The following GRM8 variants were observed in gnomAD, a reference collection of about 807,000 sequenced individuals.
GRM8 encodes the protein metabotropic glutamate receptor 8.
In GRM8, 47 loss-of-function variants were observed where a neutral mutation model predicts 87.2. The observed-to-expected ratio is 0.54, with a 90% confidence interval of 0.43 to 0.69. The LOEUF (loss-of-function observed/expected upper bound fraction) is 0.69, where lower values mean the gene tolerates loss of function less well. Ranked by LOEUF, GRM8 falls within the 30% of genes least tolerant of loss-of-function variation. The pLI is 0.00. For synonymous variants in GRM8, 396 were observed against 404.5 expected, an observed-to-expected ratio of 0.98 and a Z score of 0.25; for missense variants, 1,019 against 1,139.2, an observed-to-expected ratio of 0.89 and a Z score of 1.52.
intron 6 of GRM8, among the ~76,000 whole-genome samples, chr7:126,816,684 G>A (rs569529089): frequency 1.3e-5 from 2 of 151,800 alleles, no homozygotes; most frequent in African/African-American, 4.8e-5. Flanking sequence ...AGATGGGATG[G>A]TAACTGTGTC....
At chr7:126,978,719 A>T (rs1476083277) in intron 3 of GRM8, among the ~76,000 whole-genome samples, 1 of 152,144 alleles carries the variant, frequency 6.6e-6, no homozygotes, top group African/African-American at 2.4e-5. Flanking sequence ...GTCCCTCCAA[A>T]CCTTAAGATT....
chr7:127,104,848 G>T (rs1825666002), intron 3 of GRM8, among the ~76,000 whole-genome samples: 1 of 152,134 alleles, frequency 6.6e-6, no homozygotes, highest in African/African-American at 2.4e-5. Context: ...TCTTATTTTA[G>T]TCAAAAGAAT....
intron 6 of GRM8, among the ~76,000 whole-genome samples, chr7:126,804,594 C>G (rs1240926064): frequency 6.6e-6 from 1 of 152,206 alleles, no homozygotes; most frequent in African/African-American, 2.4e-5. Flanking sequence ...TAAAGAAAAT[C>G]TAGTTATAAT....
chr7:127,013,773 C>A (rs1815124518), intron 3 of GRM8, among the ~76,000 whole-genome samples: 1 of 152,254 alleles, frequency 6.6e-6, no homozygotes, highest in Admixed American at 6.5e-5. Flanking sequence ...AGAGGGAACT[C>A]TACTGAAGGA....
At chr7:126,734,421 A>G (rs1212722643) in intron 7 of GRM8, among the ~76,000 whole-genome samples, 3 of 151,806 alleles carry the variant, frequency 2.0e-5, no homozygotes, top group African/African-American at 7.2e-5. Context: ...AAAAAAAGAT[A>G]GCCAGATTAA....
chr7:126,618,592 C>T (rs1799778891), intron 7 of GRM8, among the ~76,000 whole-genome samples: 1 of 152,078 alleles, frequency 6.6e-6, no homozygotes, highest in African/African-American at 2.4e-5. Flanking sequence ...GAACAGGCAA[C>T]CTACAGAAGG....
chr7:127,132,528 T>C (rs1365126373), intron 2 of GRM8, among the ~76,000 whole-genome samples: 6 of 152,018 alleles, frequency 3.9e-5, no homozygotes, highest in Admixed American at 3.3e-4. Flanking sequence ...TAGTAGGTGA[T>C]ACAGACAACA....
chr7:127,024,182 C>T (rs947255990), intron 3 of GRM8, among the ~76,000 whole-genome samples: 3 of 152,052 alleles, frequency 2.0e-5, no homozygotes, highest in Non-Finnish European at 4.4e-5. Context: ...TTAACAGCTG[C>T]CACCTCTTCT....
At chr7:126,526,137 T>A (rs949614187) in intron 9 of GRM8, among the ~76,000 whole-genome samples, 3 of 152,172 alleles carry the variant, frequency 2.0e-5, no homozygotes, top group Non-Finnish European at 4.4e-5. Flanking sequence ...GTATGTTCCA[T>A]GAGAGATAAG....
chr7:127,134,426 A>G (rs1827846991), intron 2 of GRM8, among the ~76,000 whole-genome samples: 1 of 152,248 alleles, frequency 6.6e-6, no homozygotes, highest in African/African-American at 2.4e-5. Flanking sequence ...GACTTGTTAA[A>G]TCACTGTTAC....
chr7:126,574,603 A>C lies in GRM8; in HGVS notation c.1494+34759T>G, dbSNP rs565665058. Among the ~76,000 whole-genome samples the C allele has an allele frequency of 2.6e-5, 4 of 152,286 alleles. No homozygotes were observed. The South Asian group carries it at 8.3e-4, about 32-fold the overall frequency. On this transcript the variant is annotated intron_variant, in intron 8 of 10. Coordinates refer to ENST00000339582, the MANE Select transcript of GRM8 (RefSeq NM_000845.3). ...TTGAAATCTTACTACCTGAATCTTC[A>C]GATGTGTTTTCCAACTCTCTCTTCA...
At chr7:126,506,718 G>A (rs1450551672) in intron 9 of GRM8, among the ~76,000 whole-genome samples, 1 of 151,884 alleles carries the variant, frequency 6.6e-6, no homozygotes, top group South Asian at 2.1e-4. Context: ...AACAAAGGTT[G>A]CCGAGAGCTG....
At chr7:126,719,414 C>G (rs1194831247) in intron 7 of GRM8, among the ~76,000 whole-genome samples, 1 of 152,062 alleles carries the variant, frequency 6.6e-6, no homozygotes, top group African/African-American at 2.4e-5. Context: ...GTTTTTAAAC[C>G]TATAGGAATT....
chr7:127,084,778 T>A (rs1174817256), intron 3 of GRM8: 8 of 152,216 alleles, frequency 5.3e-5, no homozygotes, highest in Admixed American at 5.2e-4. Flanking sequence ...CAGGAGTCAC[T>A]GCTACTGAAG....
At chr7:126,630,297 A>G (rs76155397) in intron 7 of GRM8, among the ~76,000 whole-genome samples, 3,345 of 152,180 alleles carry the variant, frequency 0.022, 96 homozygotes, top group Non-Finnish European at 0.025. Context: ...CATCAGAGGA[A>G]AATTTAGAGA....
chr7:126,781,989 T>C (rs542152247), intron 6 of GRM8, among the ~76,000 whole-genome samples: 5 of 152,332 alleles, frequency 3.3e-5, no homozygotes, highest in Admixed American at 2.6e-4. Flanking sequence ...GTTGGAATTA[T>C]AGGCATGAGC....
At chr7:126,439,791 T>C (rs1001902681) in intron 10 of GRM8, among the ~76,000 whole-genome samples, 3 of 150,188 alleles carry the variant, frequency 2.0e-5, no homozygotes, top group Admixed American at 6.7e-5. Flanking sequence ...ATGGAAGTGA[T>C]ATTGATAATC....
chr7:126,535,248 A>T (rs1288606101), intron 8 of GRM8, among the ~76,000 whole-genome samples: 1 of 152,194 alleles, frequency 6.6e-6, no homozygotes, highest in East Asian at 1.9e-4. Flanking sequence ...TATATTCCAG[A>T]AATGATGATA....
chr7:126,680,709 T>G (rs536716456), intron 7 of GRM8, among the ~76,000 whole-genome samples: 6 of 152,206 alleles, frequency 3.9e-5, no homozygotes, highest in Non-Finnish European at 8.8e-5. Flanking sequence ...CTGACTAACA[T>G]TATTAGTAGC....
Sources: allele counts gnomAD v4.1 joint callset (sites outside exome capture counted in the v4.1 genomes callset), GRCh38; gene constraint gnomAD v4.1.1; transcripts MANE v1.5; gene names NCBI Gene and HGNC (gene_info 2026-07-23, HGNC 2026-07-21).